IL1A: variants seen among roughly 807,000 people sequenced by gnomAD.
IL1A encodes the protein interleukin-1 alpha.
Under a neutral mutation model 22.2 loss-of-function variants are expected in IL1A, and 16 were observed. The observed-to-expected ratio is 0.72, with a 90% CI of 0.49 to 1.09. IL1A has a LOEUF of 1.09. IL1A is among the 50% of genes least tolerant of loss of function. The pLI, the probability that IL1A is intolerant of heterozygous loss-of-function variation, is 0.00. For missense variants in IL1A, 317 were observed against 321.8 expected, an observed-to-expected ratio of 0.99 and a Z score of 0.11; for synonymous variants, 113 against 118.5, an observed-to-expected ratio of 0.95 and a Z score of 0.30.
At chr2:112,780,875 C>T (rs1015826831) in intron 4 of IL1A, among the ~76,000 whole-genome samples, 5 of 152,050 alleles carry the variant, frequency 3.3e-5, no homozygotes, top group African/African-American at 1.2e-4. Context: ...AAAAAATTAG[C>T]CGGGAACAGT....
At chr2:112,777,050 T>C (rs1182929961) in intron 6 of IL1A, among the ~76,000 whole-genome samples, 2 of 151,916 alleles carry the variant, frequency 1.3e-5, no homozygotes, top group African/African-American at 4.8e-5. Context: ...GCTTTGTTTT[T>C]ACCACTTTGT....
intron 2 of IL1A, 120 bp from the exon 3 acceptor site, chr2:112,782,884 C>T (rs199843700): frequency 1.5e-6 from 1 of 686,634 alleles, no homozygotes; most frequent in East Asian, 2.6e-5. Context: ...TTACTGTCAT[C>T]TTTGAAATTT....
At position 112,775,015 on chromosome 2, in the gene IL1A, G is replaced by T; in HGVS notation, c.*52C>A. On this transcript the variant is annotated 3_prime_UTR_variant, in exon 7 of 7. Coordinates refer to ENST00000263339, the MANE Select transcript of IL1A (RefSeq NM_000575.5). ...AAGGATTTAGCTTCTTCATGTACAT[G>T]GTACATATGAACTGTCAACACTGCA... 1 of 1,382,280 alleles carries T rather than the reference G, an allele frequency of 7.2e-7. No homozygotes were observed. The highest frequency in any genetic ancestry group is 1.2e-5 in the South Asian group (1 of 85,464). 85.6% of individuals were successfully genotyped at this position (1,382,280 alleles called of 1,614,324 possible).
intron 6 of IL1A, 77 bp from the exon 7 acceptor site, chr2:112,775,344 G>T: frequency 8.4e-7 from 1 of 1,185,710 alleles, no homozygotes; most frequent in Non-Finnish European, 1.2e-6. Flanking sequence ...CTTAGCATTT[G>T]GCCTTCATGA....
intron 4 of IL1A, among the ~76,000 whole-genome samples, chr2:112,780,622 G>A (rs934009609): frequency 6.6e-6 from 1 of 152,170 alleles, no homozygotes; most frequent in Non-Finnish European, 1.5e-5. Flanking sequence ...ATCTCAATGA[G>A]CTTAGTTTCC....
chr2:112,779,628 T>C lies in IL1A; in HGVS notation c.358A>G (p.Ser120Gly). Residue 120 changes from serine (S) to glycine (G), a missense_variant, in exon 5 of 7, where the codon AGC becomes GGC. By Grantham distance (56) the Ser-to-Gly change is moderately conservative. Coordinates refer to ENST00000263339, the MANE Select transcript of IL1A (RefSeq NM_000575.5). ...KPRSAPFSFLSNVKYNFMRII... is the reference protein window; with the variant it reads ...KPRSAPFSFLGNVKYNFMRII... ...CTCATAAAGTTGTATTTCACATTGC[T>C]CAGGAAGCTAAAAGGTGCTGACCTA... The C allele has an allele frequency of 6.2e-7, 1 of 1,611,908 alleles. No individual in the cohort carries two copies. Among genetic ancestry groups the C allele is most frequent in the Non-Finnish European group, 8.5e-7 (1 of 1,178,158 alleles).
intron 1 of IL1A, 102 bp from the exon 2 acceptor site, chr2:112,783,880 A>G (rs1293378620): frequency 2.0e-6 from 2 of 976,480 alleles, no homozygotes; most frequent in South Asian, 1.3e-5. Flanking sequence ...ACTTTGTTGA[A>G]TGACTTAGTC....
chr2:112,781,911 G>A (rs1339193690), intron 3 of IL1A, 85 bp from the exon 4 acceptor site: 2 of 884,572 alleles, frequency 2.3e-6, no homozygotes, highest in Non-Finnish European at 3.7e-6. Context: ...TTCAACAGAG[G>A]TAGTGAGGAG....
intron 4 of IL1A, among the ~76,000 whole-genome samples, chr2:112,780,264 A>C (rs757651571): frequency 2.0e-5 from 3 of 152,228 alleles, no homozygotes. Flanking sequence ...GCTGGATATA[A>C]AGTTGTAAAT....
chr2:112,777,017 C>A (rs938071687), intron 6 of IL1A, among the ~76,000 whole-genome samples: 1 of 151,996 alleles, frequency 6.6e-6, no homozygotes, highest in Non-Finnish European at 1.5e-5. Context: ...CCCCTCCTGT[C>A]GGCAGCTCTC....
At chr2:112,775,789 A>C (rs898026191) in intron 6 of IL1A, among the ~76,000 whole-genome samples, 1 of 152,116 alleles carries the variant, frequency 6.6e-6, no homozygotes, top group Admixed American at 6.6e-5. Context: ...TACACACAAA[A>C]TTCCTAAGTA....
chr2:112,783,804 T>C (rs1376055469), intron 1 of IL1A, 26 bp from the exon 2 acceptor site: 2 of 1,609,258 alleles, frequency 1.2e-6, no homozygotes, highest in Non-Finnish European at 1.7e-6. Flanking sequence ...CCAGCCACCA[T>C]CAGCTCAGCC....
In IL1A at chr2:112,780,088, C is replaced by G. The variant is rs551893641; in HGVS notation, c.320-422G>C. On this transcript the variant is annotated intron_variant, in intron 4 of 6. Transcript: ENST00000263339. ...AAAGTGGCACATATCAATAGCGTCACAAATCCTCATGGCTCTGGGAAATTC... is the reference window on the plus strand; with the variant it reads ...AAAGTGGCACATATCAATAGCGTCAGAAATCCTCATGGCTCTGGGAAATTC... Among the ~76,000 whole-genome samples, 84 of 152,256 alleles carry G rather than the reference C, an allele frequency of 5.5e-4. 2 individuals carry two copies. Among genetic ancestry groups the G allele is most frequent in the Middle Eastern group, 3.4e-3 (1 of 294 alleles).
At position 112,775,207 on chromosome 2, in the gene IL1A, C is replaced by T. The variant is rs1304601642; in HGVS notation, c.676G>A (p.Glu226Lys). The change falls in exon 7 of 7, where the codon GAA becomes AAA. Residue 226 changes from glutamate to lysine, a missense_variant. Glu to Lys is a moderately conservative substitution (Grantham distance 56). Coordinates refer to ENST00000263339, the MANE Select transcript of IL1A (RefSeq NM_000575.5). The part of the protein sequence containing the change: ...GSETNLLFFW[E>K]THGTKNYFTS... The stretch of plus-strand genomic sequence containing the variant: ...AAATAGTTCTTAGTGCCGTGAGTTT[C>T]CCAGAAGAAGAGGAGGTTGGTCTCA... The T allele has an allele frequency of 8.1e-6, 13 of 1,614,186 alleles. No individual in the cohort carries two copies. Among genetic ancestry groups the T allele is most frequent in the Non-Finnish European group, 1.1e-5 (13 of 1,180,022 alleles).
chr2:112,780,679 A>G (rs1240809713), intron 4 of IL1A, among the ~76,000 whole-genome samples: 1 of 152,176 alleles, frequency 6.6e-6, no homozygotes, highest in Non-Finnish European at 1.5e-5. Context: ...TTTAGACATA[A>G]TCCAGTCATT....
At chr2:112,781,456 A>C in intron 4 of IL1A, 148 bp downstream of exon 4, 1 of 670,592 alleles carries the variant, frequency 1.5e-6, no homozygotes, top group South Asian at 1.8e-5. Context: ...GAGAAGGATA[A>C]AAATTAATTT....
chr2:112,777,525 G>A (rs898227607), intron 6 of IL1A, among the ~76,000 whole-genome samples: 5 of 152,226 alleles, frequency 3.3e-5, no homozygotes, highest in African/African-American at 1.2e-4. Context: ...TCAATGCAGA[G>A]AGAGGGGAAC....
At chr2:112,780,429 C>T (rs1054664085) in intron 4 of IL1A, among the ~76,000 whole-genome samples, 1 of 152,182 alleles carries the variant, frequency 6.6e-6, no homozygotes, top group Non-Finnish European at 1.5e-5. Flanking sequence ...TTAAAACCTT[C>T]TAGGTGAACA....
At chr2:112,779,729 C>G (rs761675423) in intron 4 of IL1A, 63 bp from the exon 5 acceptor site, 23 of 1,179,166 alleles carry the variant, frequency 2.0e-5, no homozygotes, top group Non-Finnish European at 2.7e-5. Context: ...TATACACAGT[C>G]TAGTACAAAC....
Sources: gnomAD v4.1 joint callset for allele counts (sites outside exome capture counted in the v4.1 genomes callset) on GRCh38, gnomAD v4.1.1 for gene constraint, MANE v1.5 for transcripts, NCBI Gene and HGNC (gene_info 2026-07-23, HGNC 2026-07-21) for gene names.